RBFOX1: variants seen among roughly 807,000 people sequenced by gnomAD.
RBFOX1 encodes RNA binding fox-1 homolog 1.
RBFOX1 carries 8 observed loss-of-function variants against 57.7 expected under a neutral mutation model. The ratio of observed to expected loss-of-function variants is 0.14; its 90% CI spans 0.08 to 0.25. RBFOX1 has a LOEUF of 0.25. RBFOX1 is among the 10% of genes least tolerant of loss of function. The pLI is 1.00. For missense variants in RBFOX1, 611 were observed against 548.5 expected (o/e 1.11, Z -1.14); for synonymous variants, 326 against 222.4 (o/e 1.47, Z -4.15).
chr16:7,386,485 C>G (rs561717551), intron 4 of RBFOX1, among the ~76,000 whole-genome samples: 2 of 143,022 alleles, frequency 1.4e-5, no homozygotes, highest in African/African-American at 5.2e-5. Context: ...GTTTGATTTT[C>G]TGTTCTTGTG....
chr16:6,488,182 T>C (rs1223161728), intron 2 of RBFOX1, among the ~76,000 whole-genome samples: 2 of 152,202 alleles, frequency 1.3e-5, no homozygotes, highest in Non-Finnish European at 2.9e-5. Context: ...TTGCTCTTCA[T>C]GGTAATTCTG....
intron 4 of RBFOX1, among the ~76,000 whole-genome samples, chr16:7,385,954 A>ATTTATTT (rs1044051960): frequency 7.2e-6 from 1 of 138,386 alleles, no homozygotes; most frequent in African/African-American, 2.8e-5. Flanking sequence ...TTATTTATTT[A>ATTTATTT]TTTATTTTTT....
At chr16:5,574,083 C>G (rs1228827460) in intron 2 of RBFOX1, among the ~76,000 whole-genome samples, 1 of 152,192 alleles carries the variant, frequency 6.6e-6, no homozygotes, top group African/African-American at 2.4e-5. Flanking sequence ...TTATCTGTTG[C>G]TTTTGGTGGA....
intron 1 of RBFOX1, among the ~76,000 whole-genome samples, chr16:6,033,951 A>T (rs1390925328): frequency 6.6e-6 from 1 of 152,190 alleles, no homozygotes; most frequent in Non-Finnish European, 1.5e-5. Flanking sequence ...GGCTACCGTG[A>T]TGACTGTCAT....
chr16:7,266,114 A>T (rs2095130313), intron 4 of RBFOX1, among the ~76,000 whole-genome samples: 1 of 151,716 alleles, frequency 6.6e-6, no homozygotes, highest in Non-Finnish European at 1.5e-5. Flanking sequence ...AGCTGGGACT[A>T]CAGGCGCTCG....
chr16:7,607,260 A>G, intron 9 of RBFOX1, 25 bp from the exon 10 acceptor site: 1 of 1,597,164 alleles, frequency 6.3e-7, no homozygotes, highest in Non-Finnish European at 8.5e-7. Context: ...ATGTGATAAT[A>G]ATGTTTTTGT....
At chr16:7,017,179 C>G (rs567068129) in intron 3 of RBFOX1, among the ~76,000 whole-genome samples, 3 of 152,146 alleles carry the variant, frequency 2.0e-5, no homozygotes, top group East Asian at 1.9e-4. Context: ...GCCAGCAAAT[C>G]GTATCTGCTT....
At chr16:6,652,365 T>C (rs925574273) in intron 2 of RBFOX1, among the ~76,000 whole-genome samples, 6 of 152,036 alleles carry the variant, frequency 3.9e-5, no homozygotes, top group African/African-American at 1.4e-4. Context: ...GAAGAATCAC[T>C]TGAACCTGGG....
chr16:7,344,235 C>T (rs990945656), intron 4 of RBFOX1, among the ~76,000 whole-genome samples: 3 of 148,940 alleles, frequency 2.0e-5, no homozygotes, highest in South Asian at 2.1e-4. Context: ...GGGATAATAC[C>T]AAAGTCATTT....
chr16:5,473,757 G>A (rs989376904), intron 2 of RBFOX1, among the ~76,000 whole-genome samples: 2 of 150,508 alleles, frequency 1.3e-5, no homozygotes, highest in Admixed American at 6.6e-5. Context: ...GTAGAAGGAT[G>A]GATGGAAAGG....
chr16:7,314,835 C>T (rs111296727), intron 4 of RBFOX1, among the ~76,000 whole-genome samples: 2 of 151,988 alleles, frequency 1.3e-5, no homozygotes, highest in South Asian at 2.1e-4. Flanking sequence ...GGTTTTTGAG[C>T]CTTTTAAAAA....
At chr16:7,525,183 C>T (rs545737323) in intron 5 of RBFOX1, among the ~76,000 whole-genome samples, 1 of 152,172 alleles carries the variant, frequency 6.6e-6, no homozygotes, top group African/African-American at 2.4e-5. Context: ...TAAGTACTCA[C>T]TATTTCCATT....
intron 3 of RBFOX1, among the ~76,000 whole-genome samples, chr16:6,862,099 A>C (rs2059127268): frequency 6.6e-6 from 1 of 152,168 alleles, no homozygotes; most frequent in African/African-American, 2.4e-5. Context: ...TTGGGCTGTG[A>C]GGGATACTTG....
rs2042888935 is a variant in RBFOX1, at chr16:5,493,138, T to C, written c.258+25884T>C. On this transcript the variant is annotated intron_variant, in intron 2 of 2. Transcript: ENST00000585867. Reference sequence around the variant, plus strand: ...TATAGCCCTTTACAGAAAAAGTGTGTTGACACCTTACTTAGATGGTTCTTG... The same window carrying C: ...TATAGCCCTTTACAGAAAAAGTGTGCTGACACCTTACTTAGATGGTTCTTG... Among the ~76,000 whole-genome samples, 5 of 152,368 alleles carry C rather than the reference T, an allele frequency of 3.3e-5. No homozygotes were observed. The South Asian group carries it at 1.0e-3, about 32-fold the overall frequency.
At position 6,873,301 on chromosome 16, in the gene RBFOX1, C is replaced by T. The variant is rs1008816896; in HGVS notation, c.-15-178756C>T. 2.6e-5 allele frequency among the ~76,000 whole-genome samples: 4 copies of T among 152,008 alleles called. No individual in the cohort carries two copies. The South Asian group carries it at 6.2e-4, about 24-fold the overall frequency. On this transcript the variant is annotated intron_variant, in intron 3 of 15. Transcript: ENST00000550418. ...TCCCAAAGCATAACTCTTTTAACAC[C>T]TTGAGCTTCCTTATGTTGGAGGGGG...
At chr16:6,335,522 G>C (rs1343696903) in intron 2 of RBFOX1, among the ~76,000 whole-genome samples, 3 of 152,070 alleles carry the variant, frequency 2.0e-5, no homozygotes, top group Admixed American at 1.3e-4. Flanking sequence ...GTTCACGCCT[G>C]TAATCCCAGC....
chr16:7,385,160 C>G (rs954882372), intron 4 of RBFOX1, among the ~76,000 whole-genome samples: 11 of 152,148 alleles, frequency 7.2e-5, no homozygotes, highest in African/African-American at 2.7e-4. Flanking sequence ...TTTTGTTAAC[C>G]ACGATAATGA....
At chr16:5,565,025 A>G (rs1310067792) in intron 2 of RBFOX1, among the ~76,000 whole-genome samples, 1 of 152,188 alleles carries the variant, frequency 6.6e-6, no homozygotes, top group Non-Finnish European at 1.5e-5. Context: ...TTGTTTAGCT[A>G]AAACATGACA....
intron 4 of RBFOX1, among the ~76,000 whole-genome samples, chr16:7,059,238 T>C (rs1172570550): frequency 6.6e-6 from 1 of 152,188 alleles, no homozygotes; most frequent in Non-Finnish European, 1.5e-5. Context: ...AGCTTTTCAT[T>C]CCTTAGTGGC....
Sources: gnomAD v4.1 joint callset for allele counts (sites outside exome capture counted in the v4.1 genomes callset) on GRCh38, gnomAD v4.1.1 for gene constraint, MANE v1.5 for transcripts, NCBI Gene and HGNC (gene_info 2026-07-23, HGNC 2026-07-21) for gene names.